Variants in GBE1 observed in about 807,000 individuals in gnomAD.
GBE1 encodes 1,4-alpha-glucan-branching enzyme.
Under a neutral mutation model 88.8 loss-of-function variants are expected in GBE1, and 70 were observed. That is an observed-to-expected ratio of 0.79 (90% CI 0.65 to 0.96). The LOEUF is 0.96. Ranked by LOEUF, GBE1 falls within the 40% of genes least tolerant of loss-of-function variation. The probability of loss-of-function intolerance (pLI) is 0.00; values close to 1 mark genes in which losing one functional copy is unlikely to be tolerated. For missense variants in GBE1, 872 were observed against 871.0 expected (o/e 1.00, Z -0.01); for synonymous variants, 284 against 300.1 (o/e 0.95, Z 0.56).
At chr3:81,501,986 G>A (rs1345461749) in intron 14 of GBE1, among the ~76,000 whole-genome samples, 1 of 147,172 alleles carries the variant, frequency 6.8e-6, no homozygotes, top group Non-Finnish European at 1.5e-5. Context: ...GAGCTACCAT[G>A]CCTGGAATGC....
At chr3:81,718,350 T>C (rs899813932) in intron 1 of GBE1, among the ~76,000 whole-genome samples, 21 of 152,132 alleles carry the variant, frequency 1.4e-4, no homozygotes, top group Admixed American at 6.5e-5. Context: ...ATATTACAAA[T>C]TGTAAATTAT....
At chr3:81,745,925 G>A (rs1214109850) in intron 1 of GBE1, among the ~76,000 whole-genome samples, 1 of 151,952 alleles carries the variant, frequency 6.6e-6, no homozygotes, top group Non-Finnish European at 1.5e-5. Flanking sequence ...ATATTTATAA[G>A]ATAATGAACC....
chr3:81,682,146 C>CA (rs1344730656), intron 2 of GBE1, among the ~76,000 whole-genome samples: 1 of 152,122 alleles, frequency 6.6e-6, no homozygotes, highest in Non-Finnish European at 1.5e-5. Flanking sequence ...ACAAGATGTA[C>CA]AAATGGACAA....
intron 14 of GBE1, among the ~76,000 whole-genome samples, chr3:81,527,428 C>A (rs545762720): frequency 6.6e-6 from 1 of 152,228 alleles, no homozygotes; most frequent in African/African-American, 2.4e-5. Flanking sequence ...TCAGAGTGAA[C>A]AGGCAACTTA....
chr3:81,660,178 A>AT (rs748514722), intron 3 of GBE1, among the ~76,000 whole-genome samples: 1 of 152,166 alleles, frequency 6.6e-6, no homozygotes, highest in African/African-American at 2.4e-5. Flanking sequence ...TTGTCAATTG[A>AT]TTTTTTTAAC....
At chr3:81,738,667 T>A (rs1028734997) in intron 1 of GBE1, among the ~76,000 whole-genome samples, 1 of 152,234 alleles carries the variant, frequency 6.6e-6, no homozygotes, top group African/African-American at 2.4e-5. Context: ...ATTCCTTGGG[T>A]CATTTTATTT....
intron 9 of GBE1, among the ~76,000 whole-genome samples, chr3:81,586,798 T>A (rs2106946127): frequency 6.6e-6 from 1 of 152,154 alleles, no homozygotes; most frequent in South Asian, 2.1e-4. Flanking sequence ...GAATTTTTTT[T>A]TTTTTTTGAC....
At chr3:81,737,196 G>A (rs1706268697) in intron 1 of GBE1, among the ~76,000 whole-genome samples, 1 of 149,370 alleles carries the variant, frequency 6.7e-6, no homozygotes, top group African/African-American at 2.5e-5. Flanking sequence ...CAGAAGGCCA[G>A]AGAAATGGTC....
chr3:81,631,148 G>A (rs1213376103), intron 7 of GBE1, among the ~76,000 whole-genome samples: 2 of 152,058 alleles, frequency 1.3e-5, no homozygotes, highest in Non-Finnish European at 2.9e-5. Flanking sequence ...AGGCTGTCAC[G>A]AGCCATGACT....
At chr3:81,603,974 T>A (rs995978160) in intron 7 of GBE1, among the ~76,000 whole-genome samples, 1 of 151,932 alleles carries the variant, frequency 6.6e-6, no homozygotes, top group Non-Finnish European at 1.5e-5. Flanking sequence ...ACATCCACAC[T>A]CAAAAATATT....
intron 12 of GBE1, among the ~76,000 whole-genome samples, chr3:81,573,281 G>A (rs898885588): frequency 8.6e-5 from 13 of 151,924 alleles, no homozygotes; most frequent in African/African-American, 1.2e-4. Context: ...AATCTTAACT[G>A]GCTGTAATCT....
At chr3:81,572,873 T>G (rs1328381887) in intron 12 of GBE1, among the ~76,000 whole-genome samples, 1 of 152,090 alleles carries the variant, frequency 6.6e-6, no homozygotes, top group African/African-American at 2.4e-5. Flanking sequence ...ACCAGCATGT[T>G]CATAGCAACA....
At chr3:81,542,740 A>G (rs545823057) in intron 12 of GBE1, among the ~76,000 whole-genome samples, 1 of 152,134 alleles carries the variant, frequency 6.6e-6, no homozygotes, top group South Asian at 2.1e-4. Flanking sequence ...AAAACAACCT[A>G]TTGGGTACTA....
chr3:81,641,329 A>T (rs1251960743), intron 7 of GBE1, among the ~76,000 whole-genome samples: 1 of 152,116 alleles, frequency 6.6e-6, no homozygotes, highest in Non-Finnish European at 1.5e-5. Context: ...ACTCAATGTA[A>T]TTAGTAGAGT....
chr3:81,761,454 G>A lies in GBE1; in HGVS notation c.64C>T (p.Leu22=), dbSNP rs756999152. The change falls in exon 1 of 16, where the codon CTG becomes TTG. Residue 22 remains leucine (L), a synonymous_variant. Coordinates refer to ENST00000429644, the MANE Select transcript of GBE1 (RefSeq NM_000158.4). The stretch of plus-strand genomic sequence containing the variant: ...CTGGCCAGTTCGGGCACGTCAGCCA[G>A]GGCGGCATTGAGCGCCGCCTCGTAG... ...EDYEAALNAA[L]ADVPELARLL... is the part of the protein sequence containing the mutation. The A allele has an allele frequency of 5.0e-6, 8 of 1,613,524 alleles. No homozygotes were observed. In the East Asian group the frequency reaches 1.1e-4, roughly 22 times the overall value.
rs555279959 is a variant in GBE1, at chr3:81,598,239, A to G, written c.993-4216T>C. The stretch of plus-strand genomic sequence containing the variant: ...AGCAATGGCTAAATATCAAAAAAAT[A>G]TAAAGGAAAAAATGATGTTCCTCTT... On this transcript the variant is annotated intron_variant, in intron 7 of 15. Transcript: ENST00000429644. Among the ~76,000 whole-genome samples the G allele has an allele frequency of 4.6e-5, 7 of 152,104 alleles. No homozygotes were observed. The East Asian group carries it at 1.3e-3, about 29-fold the overall frequency.
chr3:81,537,090 C>G lies in GBE1; in HGVS notation c.1624G>C (p.Glu542Gln). The change falls in exon 13 of 16, where the codon GAA becomes CAA. Residue 542 changes from glutamate to glutamine, a missense_variant. By Grantham distance (29) the Glu-to-Gln change is conservative (BLOSUM62 2). Transcript: ENST00000429644. ...GEGYLNFMGN[E>Q]FGHPEWLDFP... ...TCTAACCATTCAGGATGCCCAAATT[C>G]ATTACCTGCATTACAAAACACATGC... The G allele has an allele frequency of 2.7e-6, 4 of 1,503,970 alleles. No homozygotes were observed. The highest frequency in any genetic ancestry group is 3.5e-6 in the Non-Finnish European group (4 of 1,130,880). 93.2% of individuals were successfully genotyped at this position (1,503,970 alleles called of 1,614,324 possible).
intron 2 of GBE1, among the ~76,000 whole-genome samples, chr3:81,673,316 A>G (rs1056575223): frequency 6.6e-6 from 1 of 151,874 alleles, no homozygotes; most frequent in African/African-American, 2.4e-5. Flanking sequence ...TCATTCATTC[A>G]TTCATTAAAT....
At chr3:81,637,808 T>A (rs375811418) in intron 7 of GBE1, among the ~76,000 whole-genome samples, 10 of 152,230 alleles carry the variant, frequency 6.6e-5, no homozygotes, top group African/African-American at 2.4e-4. Context: ...AACCCTCAAG[T>A]TAATATTTAT....
Sources: gnomAD v4.1 joint callset for allele counts (sites outside exome capture counted in the v4.1 genomes callset) on GRCh38, gnomAD v4.1.1 for gene constraint, MANE v1.5 for transcripts, NCBI Gene and HGNC (gene_info 2026-07-23, HGNC 2026-07-21) for gene names.